LINGO2: variants seen among roughly 807,000 people sequenced by gnomAD.
LINGO2 encodes the protein leucine-rich repeat and immunoglobulin-like domain-containing nogo receptor-interacting protein 2.
Under a neutral mutation model 30.6 loss-of-function variants are expected in LINGO2, and 14 were observed. The observed-to-expected ratio is 0.46, with a 90% CI of 0.30 to 0.72. The LOEUF (loss-of-function observed/expected upper bound fraction) is 0.72. Among genes scored for constraint, LINGO2 ranks in the 30% least tolerant of loss-of-function variants. The probability of loss-of-function intolerance (pLI) is 0.07; values close to 1 mark genes in which losing one functional copy is unlikely to be tolerated. For missense variants in LINGO2, 729 were observed against 751.7 expected (o/e 0.97, Z 0.35); for synonymous variants, 317 against 288.5 (o/e 1.10, Z -1.00).
the LINGO2 span, among the ~76,000 whole-genome samples, chr9:28,804,533 G>GCAAAAA: frequency 0.2 from 26,332 of 132,922 alleles, 2,594 homozygotes; most frequent in East Asian, 0.44. Flanking sequence ...TGTGTTCACG[G>GCAAAAA]CAAAAACAAA....
intron 4 of LINGO2, among the ~76,000 whole-genome samples, chr9:28,219,290 C>A (rs113972122): frequency 1.3e-5 from 2 of 152,154 alleles, no homozygotes; most frequent in Non-Finnish European, 2.9e-5. Flanking sequence ...GAAAAACTAA[C>A]GAGTGGCTTT....
the LINGO2 span, among the ~76,000 whole-genome samples, chr9:29,184,466 G>T: frequency 6.6e-6 from 1 of 152,070 alleles, no homozygotes; most frequent in East Asian, 1.9e-4. Flanking sequence ...AAGTAGAGGG[G>T]AGGATGCTTC....
the LINGO2 span, among the ~76,000 whole-genome samples, chr9:29,071,326 G>C: frequency 6.6e-6 from 1 of 150,602 alleles, no homozygotes; most frequent in East Asian, 1.9e-4. Context: ...CAAGTACCTA[G>C]AATTATATGT....
chr9:28,982,402 T>C, the LINGO2 span, among the ~76,000 whole-genome samples: 1 of 152,024 alleles, frequency 6.6e-6, no homozygotes, highest in Non-Finnish European at 1.5e-5. Context: ...AGTTTTGCAT[T>C]ATGTGTAAGC....
the LINGO2 span, among the ~76,000 whole-genome samples, chr9:28,784,533 T>C: frequency 1.3e-5 from 2 of 152,126 alleles, no homozygotes; most frequent in Non-Finnish European, 2.9e-5. Flanking sequence ...ATGAGTAAAA[T>C]AGATATAAAA....
the LINGO2 span, among the ~76,000 whole-genome samples, chr9:28,676,405 A>G: frequency 6.6e-6 from 1 of 152,168 alleles, no homozygotes; most frequent in East Asian, 1.9e-4. Flanking sequence ...CAATGACAGT[A>G]CTACTTGATT....
chr9:28,141,555 G>C (rs1458526819), intron 4 of LINGO2, among the ~76,000 whole-genome samples: 1 of 152,212 alleles, frequency 6.6e-6, no homozygotes, highest in East Asian at 1.9e-4. Context: ...TCTGCAGCCT[G>C]GGTTACACTT....
intron 1 of LINGO2, among the ~76,000 whole-genome samples, chr9:28,531,859 A>G (rs1821249014): frequency 6.6e-6 from 1 of 152,182 alleles, no homozygotes; most frequent in Non-Finnish European, 1.5e-5. Context: ...ACTATTTCCA[A>G]TGCAAAACTT....
At position 28,149,711 on chromosome 9, in the gene LINGO2, C is replaced by T. The variant is rs538772072; in HGVS notation, c.-86-137306G>A. Among the ~76,000 whole-genome samples, 12 of 139,014 alleles carry T rather than the reference C, an allele frequency of 8.6e-5. 1 individual carries two copies. The South Asian group carries it at 2.9e-3, about 33-fold the overall frequency. The allele number at this position is 139,014 out of a possible 152,430, so 91.2% of individuals were successfully genotyped here. The stretch of plus-strand genomic sequence containing the variant: ...AGGAACGCTTCTGCCTGGCCACTGC[C>T]CTGTCTTGGAAGTGAGGAGCGCCTC... On this transcript the variant is annotated intron_variant, in intron 4 of 5. Transcript: ENST00000379992.
chr9:28,190,780 CA>C (rs1297806148), intron 4 of LINGO2, among the ~76,000 whole-genome samples: 1 of 152,082 alleles, frequency 6.6e-6, no homozygotes, highest in Non-Finnish European at 1.5e-5. Flanking sequence ...GGTAGCTATT[CA>C]TTAGGAGGAG....
At chr9:28,700,507 G>A in the LINGO2 span, among the ~76,000 whole-genome samples, 1 of 151,874 alleles carries the variant, frequency 6.6e-6, no homozygotes, top group Non-Finnish European at 1.5e-5. Context: ...TGACTGAATG[G>A]ACCACAGTTT....
intron 2 of LINGO2, among the ~76,000 whole-genome samples, chr9:28,436,840 A>G (rs116638842): frequency 6.6e-6 from 1 of 152,100 alleles, no homozygotes; most frequent in African/African-American, 2.4e-5. Flanking sequence ...AAGAGGAGGA[A>G]GTCCTTACCA....
chr9:27,949,753 C>A (rs983684830), exon 6 of LINGO2: 6 of 1,614,060 alleles, frequency 3.7e-6, no homozygotes, highest in Middle Eastern at 1.6e-4. Flanking sequence ...CGAAGCTGGG[C>A]CCCCACTATA....
chr9:28,255,360 C>G (rs927541653), intron 4 of LINGO2, among the ~76,000 whole-genome samples: 2 of 152,012 alleles, frequency 1.3e-5, no homozygotes, highest in Non-Finnish European at 2.9e-5. Flanking sequence ...AAATCTTATC[C>G]TCCTGTAGAG....
chr9:29,104,621 A>C, the LINGO2 span, among the ~76,000 whole-genome samples: 2 of 152,190 alleles, frequency 1.3e-5, no homozygotes, highest in Non-Finnish European at 2.9e-5. Flanking sequence ...GGGAGACGAA[A>C]TACCAAAGAA....
chr9:28,631,860 T>C (rs1826958928), intron 1 of LINGO2, among the ~76,000 whole-genome samples: 1 of 152,130 alleles, frequency 6.6e-6, no homozygotes, highest in Non-Finnish European at 1.5e-5. Context: ...AAATAGAACC[T>C]TTTGGTCCTA....
the LINGO2 span, among the ~76,000 whole-genome samples, chr9:28,993,228 C>A: frequency 2.0e-5 from 3 of 151,824 alleles, no homozygotes; most frequent in Non-Finnish European, 4.4e-5. Flanking sequence ...TCAGAGAATA[C>A]TACAAACACC....
At chr9:27,944,508 G>C (rs1207506685), downstream of LINGO2, 1 of 152,040 alleles carries the variant, frequency 6.6e-6, no homozygotes, top group Non-Finnish European at 1.5e-5. Context: ...GTTGCCTAAC[G>C]AAAATAGAAA....
the LINGO2 span, among the ~76,000 whole-genome samples, chr9:28,759,029 T>C: frequency 6.6e-6 from 1 of 152,126 alleles, no homozygotes; most frequent in Non-Finnish European, 1.5e-5. Flanking sequence ...AAAGATACTG[T>C]GGCTTTAACA....
Sources: gnomAD v4.1 joint callset for allele counts (sites outside exome capture counted in the v4.1 genomes callset) on GRCh38, gnomAD v4.1.1 for gene constraint, MANE v1.5 for transcripts, NCBI Gene and HGNC (gene_info 2026-07-23, HGNC 2026-07-21) for gene names.